The following SLC4A4 variants were observed in gnomAD, a reference collection of about 807,000 sequenced individuals.
SLC4A4 encodes solute carrier family 4 member 4.
A neutral mutation model predicts 111.5 loss-of-function variants in SLC4A4; 27 were observed. The ratio of observed to expected loss-of-function variants is 0.24; its 90% CI spans 0.18 to 0.33. The LOEUF is 0.33. SLC4A4 is among the 10% of genes least tolerant of loss of function. The pLI is 1.00. For synonymous variants in SLC4A4, 443 were observed against 463.4 expected, an observed-to-expected ratio of 0.96 and a Z score of 0.57; for missense variants, 909 against 1,315.5, an observed-to-expected ratio of 0.69 and a Z score of 4.78.
chr4:71,352,234 A>C (rs1729905681), intron 5 of SLC4A4, among the ~76,000 whole-genome samples: 1 of 152,214 alleles, frequency 6.6e-6, no homozygotes, highest in Non-Finnish European at 1.5e-5. Flanking sequence ...CAAAGATGTC[A>C]AAAATTACAC....
chr4:71,229,961 C>T (rs751835610), intron 1 of SLC4A4, among the ~76,000 whole-genome samples: 2 of 151,850 alleles, frequency 1.3e-5, no homozygotes, highest in Non-Finnish European at 2.9e-5. Context: ...TCTTCCCTGT[C>T]GCCTGGGGCT....
chr4:71,208,818 A>G (rs942984309), intron 1 of SLC4A4, among the ~76,000 whole-genome samples: 9 of 152,256 alleles, frequency 5.9e-5, no homozygotes, highest in Middle Eastern at 3.4e-3. Context: ...CATTTATACC[A>G]TCTCTTGAGG....
At chr4:71,206,764 G>A (rs1196417897) in intron 1 of SLC4A4, among the ~76,000 whole-genome samples, 3 of 151,758 alleles carry the variant, frequency 2.0e-5, no homozygotes, top group Non-Finnish European at 2.9e-5. Flanking sequence ...CCAGTAGTTG[G>A]AACCATTTCA....
chr4:71,371,884 C>A (rs1046531683), intron 6 of SLC4A4, among the ~76,000 whole-genome samples: 2 of 152,164 alleles, frequency 1.3e-5, no homozygotes, highest in African/African-American at 4.8e-5. Context: ...TCCATCATTT[C>A]ATTAAAAGCA....
chr4:71,456,268 A>G (rs1056792614), intron 12 of SLC4A4, among the ~76,000 whole-genome samples: 1 of 152,176 alleles, frequency 6.6e-6, no homozygotes, highest in Non-Finnish European at 1.5e-5. Flanking sequence ...CATATTGGCA[A>G]TATCTTTCTC....
intron 2 of SLC4A4, among the ~76,000 whole-genome samples, chr4:71,244,512 TCTC>T (rs1299755344): frequency 6.6e-6 from 1 of 152,158 alleles, no homozygotes; most frequent in Non-Finnish European, 1.5e-5. Flanking sequence ...GCACCTCTCA[TCTC>T]CTACTTTTTT....
At chr4:71,548,180 C>T (rs1439763111) in intron 20 of SLC4A4, among the ~76,000 whole-genome samples, 8 of 151,746 alleles carry the variant, frequency 5.3e-5, no homozygotes, top group Non-Finnish European at 8.8e-5. Flanking sequence ...TGATATTTTT[C>T]GACTATTCTT....
intron 2 of SLC4A4, among the ~76,000 whole-genome samples, chr4:71,174,423 T>A (rs1745028078): frequency 6.6e-6 from 1 of 152,032 alleles, no homozygotes; most frequent in South Asian, 2.1e-4. Context: ...GCTAATTGTA[T>A]TTTTAGTAGA....
chr4:71,329,434 G>T (rs1727781920), intron 3 of SLC4A4, among the ~76,000 whole-genome samples: 2 of 152,048 alleles, frequency 1.3e-5, no homozygotes, highest in South Asian at 4.2e-4. Flanking sequence ...TAACAATATT[G>T]ATTCTTCTAA....
At chr4:71,380,250 G>A (rs753859861) in intron 6 of SLC4A4, among the ~76,000 whole-genome samples, 5 of 152,116 alleles carry the variant, frequency 3.3e-5, no homozygotes, top group African/African-American at 9.7e-5. Flanking sequence ...CACAAACAGG[G>A]CAACTATGAC....
At chr4:71,145,448 G>C (rs1193588171) in intron 2 of SLC4A4, among the ~76,000 whole-genome samples, 6 of 152,186 alleles carry the variant, frequency 3.9e-5, no homozygotes, top group Non-Finnish European at 7.3e-5. Context: ...GTATCAGGAT[G>C]ATGCTGACCT....
intron 1 of SLC4A4, among the ~76,000 whole-genome samples, chr4:71,087,263 A>AT (rs200923395): frequency 0.024 from 3,628 of 148,766 alleles, 165 homozygotes; most frequent in African/African-American, 0.084. Context: ...CCCCTTTATC[A>AT]TTTTTTTTTG....
At chr4:71,460,656 T>TA (rs1560528228) in intron 12 of SLC4A4, among the ~76,000 whole-genome samples, 1 of 151,892 alleles carries the variant, frequency 6.6e-6, no homozygotes, top group African/African-American at 2.4e-5. Context: ...ACAGGGGAAA[T>TA]AAAAAAATGA....
intron 15 of SLC4A4, among the ~76,000 whole-genome samples, chr4:71,489,150 T>C (rs562565253): frequency 4.0e-5 from 6 of 151,826 alleles, no homozygotes; most frequent in Admixed American, 3.9e-4. Context: ...TCACAATCAC[T>C]TTATGAGTTA....
At chr4:71,395,763 A>G (rs79569708) in intron 6 of SLC4A4, among the ~76,000 whole-genome samples, 2,041 of 152,312 alleles carry the variant, frequency 0.013, 45 homozygotes, top group African/African-American at 0.046. Flanking sequence ...AAATTACTTA[A>G]TGGAAAACTG....
intron 2 of SLC4A4, among the ~76,000 whole-genome samples, chr4:71,127,832 T>C (rs944000627): frequency 1.3e-5 from 2 of 152,182 alleles, no homozygotes; most frequent in Non-Finnish European, 2.9e-5. Flanking sequence ...ATTCAAAGTA[T>C]TTGAGTATCG....
At chr4:71,235,917 T>A (rs973366220) in intron 1 of SLC4A4, 1 of 277,146 alleles carries the variant, frequency 3.6e-6, no homozygotes, top group Admixed American at 6.4e-5. Flanking sequence ...GGCATGTATC[T>A]GTGTGTATTG....
chr4:71,257,632 A>G (rs1560820636), intron 3 of SLC4A4, among the ~76,000 whole-genome samples: 1 of 152,174 alleles, frequency 6.6e-6, no homozygotes, highest in Non-Finnish European at 1.5e-5. Flanking sequence ...TGCCTACTAT[A>G]CTATTATTGT....
intron 3 of SLC4A4, among the ~76,000 whole-genome samples, chr4:71,333,410 T>C (rs764671260): frequency 8.1e-4 from 123 of 152,358 alleles, no homozygotes; most frequent in Non-Finnish European, 1.6e-3. Context: ...CCATTTGAGC[T>C]ACCTGGAGTT....
Sources: gnomAD v4.1 joint callset for allele counts (sites outside exome capture counted in the v4.1 genomes callset) on GRCh38, gnomAD v4.1.1 for gene constraint, MANE v1.5 for transcripts, NCBI Gene and HGNC (gene_info 2026-07-23, HGNC 2026-07-21) for gene names.